The following STYK1 variants were observed in gnomAD, a reference collection of about 807,000 sequenced individuals.
The protein encoded by STYK1 is tyrosine-protein kinase STYK1.
STYK1 carries 46 observed loss-of-function variants against 48.1 expected under a neutral mutation model. That is an observed-to-expected ratio of 0.96 (90% CI 0.75 to 1.22). The LOEUF is 1.22. STYK1 is among the 50% of genes most tolerant of loss of function. STYK1 has a pLI of 0.00. For missense variants in STYK1, 527 were observed against 521.1 expected (o/e 1.01, Z -0.11); for synonymous variants, 188 against 189.0 (o/e 0.99, Z 0.04).
chr12:10,631,329 C>A, intron 4 of STYK1, 21 bp from the exon 5 acceptor site: 1 of 1,604,494 alleles, frequency 6.2e-7, no homozygotes, highest in East Asian at 2.2e-5. Context: ...GAGATGATGT[C>A]AACCAGTTTT....
Position 10,624,667 on chromosome 12 carries a change from T to G in STYK1, c.910A>C (p.Ser304Arg). 6.2e-7 allele frequency: 1 copy of G among 1,614,090 alleles called. No individual in the cohort carries two copies. The highest frequency in any genetic ancestry group is 8.5e-7 in the Non-Finnish European group (1 of 1,179,998). Reference sequence around the variant, plus strand: ...AAACCGTACACATCTGCTCTGATGCTAGCAGGTCTCAGGAGAAGCCGTTCT... The same window carrying G: ...AAACCGTACACATCTGCTCTGATGCGAGCAGGTCTCAGGAGAAGCCGTTCT... The part of the protein sequence containing the change: ...APERLLLRPA[S>R]IRADVWSFGI... The change falls in exon 8 of 11, where the codon AGC (serine) becomes CGC (arginine). Residue 304 changes from serine to arginine, a missense_variant. Coordinates refer to ENST00000075503, the MANE Select transcript of STYK1 (RefSeq NM_018423.3).
intron 10 of STYK1, among the ~76,000 whole-genome samples, chr12:10,621,252 TA>T (rs1209499761): frequency 2.2e-4 from 33 of 152,344 alleles, no homozygotes; most frequent in African/African-American, 7.5e-4. Context: ...TGTAATTTTT[TA>T]TTTTTCCATT....
intron 1 of STYK1, among the ~76,000 whole-genome samples, chr12:10,656,547 C>A (rs928996062): frequency 6.6e-6 from 1 of 152,134 alleles, no homozygotes; most frequent in Admixed American, 6.6e-5. Context: ...ATGGCATGAA[C>A]CTGGGAGGCG....
At chr12:10,654,338 T>A (rs181208758) in intron 1 of STYK1, among the ~76,000 whole-genome samples, 3 of 152,318 alleles carry the variant, frequency 2.0e-5, no homozygotes, top group Non-Finnish European at 2.9e-5. Flanking sequence ...CATTCCTTTT[T>A]TCCTTTACTT....
At chr12:10,665,020 T>C (rs780673533) in intron 1 of STYK1, among the ~76,000 whole-genome samples, 1 of 151,408 alleles carries the variant, frequency 6.6e-6, no homozygotes, top group Non-Finnish European at 1.5e-5. Context: ...GACCTTCCAA[T>C]CATGAATCCA....
intron 1 of STYK1, among the ~76,000 whole-genome samples, chr12:10,649,795 C>G (rs1947639834): frequency 6.6e-6 from 1 of 152,092 alleles, no homozygotes; most frequent in African/African-American, 2.4e-5. Flanking sequence ...GAATTAAAGA[C>G]AAAGTACAAC....
chr12:10,618,944 G>A lies in STYK1; in HGVS notation c.*1200C>T, dbSNP rs1865861508. 1 of 152,108 alleles carries A rather than the reference G, an allele frequency of 6.6e-6. No homozygotes were observed. Among genetic ancestry groups the A allele is most frequent in the Non-Finnish European group, 1.5e-5 (1 of 68,040 alleles). 9.4% of individuals were successfully genotyped at this position (152,108 alleles called of 1,614,324 possible). The stretch of plus-strand genomic sequence containing the variant: ...TGGGTTAGGAAGGGCAAAAGAAAAG[G>A]AGAAACACGTTTATTGAGCGCATAT... On this transcript the variant is annotated 3_prime_UTR_variant, in exon 11 of 11. Coordinates refer to ENST00000075503, the MANE Select transcript of STYK1 (RefSeq NM_018423.3).
At chr12:10,653,219 CCCA>C (rs971964996) in intron 1 of STYK1, among the ~76,000 whole-genome samples, 15 of 149,900 alleles carry the variant, frequency 1.0e-4, no homozygotes, top group African/African-American at 3.7e-4. Flanking sequence ...ACTACAGGTG[CCCA>C]CCACCATGCC....
At chr12:10,623,185 A>G (rs1307023678) in intron 8 of STYK1, among the ~76,000 whole-genome samples, 1 of 152,140 alleles carries the variant, frequency 6.6e-6, no homozygotes, top group East Asian at 1.9e-4. Context: ...TGAAATAGGT[A>G]TTTGCCTAAG....
intron 5 of STYK1, 34 bp downstream of exon 5, chr12:10,631,010 TA>T: frequency 6.2e-7 from 1 of 1,607,132 alleles, no homozygotes; most frequent in Non-Finnish European, 8.5e-7. Flanking sequence ...TATTTACTGT[TA>T]GGGGAAGGGG....
At chr12:10,622,432 A>T (rs1865922491) in intron 9 of STYK1, among the ~76,000 whole-genome samples, 1 of 152,210 alleles carries the variant, frequency 6.6e-6, no homozygotes, top group South Asian at 2.1e-4. Context: ...AAGGTAAAAA[A>T]GGACAGGGAA....
chr12:10,663,127 T>C (rs1007872266), intron 1 of STYK1, among the ~76,000 whole-genome samples: 1 of 152,172 alleles, frequency 6.6e-6, no homozygotes, highest in Non-Finnish European at 1.5e-5. Flanking sequence ...AGCCTTATTA[T>C]TACTAGAGAT....
chr12:10,642,315 C>T (rs546473761), intron 1 of STYK1, among the ~76,000 whole-genome samples: 1 of 152,286 alleles, frequency 6.6e-6, no homozygotes, highest in South Asian at 2.1e-4. Context: ...GAATCTCATT[C>T]CTATCATTCA....
At chr12:10,667,504 C>T (rs188398018) in intron 1 of STYK1, 2 of 151,532 alleles carry the variant, frequency 1.3e-5, no homozygotes, top group Admixed American at 1.3e-4. Flanking sequence ...GTGGTGCATG[C>T]CTCTAGTCCC....
At chr12:10,643,896 C>T (rs778492683) in intron 1 of STYK1, among the ~76,000 whole-genome samples, 1 of 152,040 alleles carries the variant, frequency 6.6e-6, no homozygotes, top group Non-Finnish European at 1.5e-5. Flanking sequence ...TTAGGCCATG[C>T]TAAACATTGC....
At chr12:10,650,060 C>T (rs1167352671) in intron 1 of STYK1, among the ~76,000 whole-genome samples, 2 of 138,066 alleles carry the variant, frequency 1.4e-5, no homozygotes, top group Non-Finnish European at 3.0e-5. Context: ...TGCAGTGAGC[C>T]GAGATCGCAC....
chr12:10,665,223 C>T (rs1215464694), intron 1 of STYK1, among the ~76,000 whole-genome samples: 1 of 152,184 alleles, frequency 6.6e-6, no homozygotes, highest in Non-Finnish European at 1.5e-5. Context: ...GCCTTCTGTA[C>T]CACTATGATC....
chr12:10,634,661 G>A lies in STYK1; in HGVS notation c.-43C>T, dbSNP rs75116232. On this transcript the variant is annotated 5_prime_UTR_variant, in exon 3 of 11. Transcript: ENST00000075503. Reference sequence around the variant, plus strand: ...CTTCCCTGCTAGGCCCACAGAGAATGCACACAGCACAGCTGTGAGTAATTC... The same window carrying A: ...CTTCCCTGCTAGGCCCACAGAGAATACACACAGCACAGCTGTGAGTAATTC... 2,671 of 1,610,642 alleles carry A rather than the reference G, an allele frequency of 1.7e-3. 27 individuals carry two copies. In the East Asian group the frequency reaches 0.029, roughly 18 times the overall value.
intron 7 of STYK1, among the ~76,000 whole-genome samples, chr12:10,625,226 G>C (rs1006935734): frequency 6.6e-6 from 1 of 151,692 alleles, no homozygotes; most frequent in African/African-American, 2.4e-5. Context: ...TTGTTTGTTT[G>C]TTTGTTTGTT....
Sources: allele counts gnomAD v4.1 joint callset (sites outside exome capture counted in the v4.1 genomes callset), GRCh38; gene constraint gnomAD v4.1.1; transcripts MANE v1.5; gene names NCBI Gene and HGNC (gene_info 2026-07-23, HGNC 2026-07-21).